ACO1: variants seen among roughly 807,000 people sequenced by gnomAD.
The protein encoded by ACO1 is cytoplasmic aconitate hydratase.
A neutral mutation model predicts 105.1 loss-of-function variants in ACO1; 78 were observed. The ratio of observed to expected loss-of-function variants is 0.74; its 90% CI spans 0.62 to 0.90. The LOEUF is 0.90. Among genes scored for constraint, ACO1 ranks in the 40% least tolerant of loss-of-function variants. The pLI, the probability that ACO1 is intolerant of heterozygous loss-of-function variation, is 0.00. For missense variants in ACO1, 965 were observed against 1,111.1 expected (o/e 0.87, Z 1.87); for synonymous variants, 364 against 397.4 (o/e 0.92, Z 1.00).
At chr9:32,386,745 T>A (rs1017560052) in intron 1 of ACO1, among the ~76,000 whole-genome samples, 1 of 151,818 alleles carries the variant, frequency 6.6e-6, no homozygotes, top group African/African-American at 2.4e-5. Flanking sequence ...GTGTTCTTTG[T>A]ATTAAAAAAT....
chr9:32,407,049 T>C (rs1338998005), intron 2 of ACO1, among the ~76,000 whole-genome samples: 1 of 152,240 alleles, frequency 6.6e-6, no homozygotes, highest in Non-Finnish European at 1.5e-5. Flanking sequence ...CCCAAAGTGC[T>C]GGGATTACAG....
intron 1 of ACO1, among the ~76,000 whole-genome samples, chr9:32,393,057 A>G (rs1288613187): frequency 6.6e-6 from 1 of 152,194 alleles, no homozygotes; most frequent in Non-Finnish European, 1.5e-5. Context: ...TTTGTAGAGC[A>G]TGTGTGTTTG....
At chr9:32,442,401 A>C (rs1194801247) in intron 19 of ACO1, among the ~76,000 whole-genome samples, 5 of 152,166 alleles carry the variant, frequency 3.3e-5, no homozygotes, top group African/African-American at 1.2e-4. Context: ...TGTGCCCTAG[A>C]TACCAAGAGA....
At chr9:32,448,728 T>C (rs569477160) in intron 19 of ACO1, among the ~76,000 whole-genome samples, 168 bp from the exon 20 acceptor site, 45 of 152,254 alleles carry the variant, frequency 3.0e-4, no homozygotes, top group African/African-American at 1.1e-3. Context: ...GGTACCTCAG[T>C]TGGAAATGCA....
chr9:32,453,712 TA>T lies in ACO1; in HGVS notation c.*3603del, dbSNP rs1822818272. 6.6e-6 allele frequency: 1 copy of T among 152,138 alleles called. No individual in the cohort carries two copies. The allele number at this position is 152,138 out of a possible 1,614,324, so 9.4% of individuals were successfully genotyped here. A position where few individuals can be genotyped will look rare whatever the true frequency, so the allele number is the denominator to read the frequency against. ...TCAGGGCTCTAACAGGACTGTGGAG[TA>T]ATGTACGGGGTTATGTAGGAGCAAT... is the stretch of plus-strand genomic sequence containing the variant. On this transcript the variant is annotated 3_prime_UTR_variant, in exon 21 of 21. Coordinates refer to ENST00000309951, the MANE Select transcript of ACO1 (RefSeq NM_002197.3).
intron 20 of ACO1, among the ~76,000 whole-genome samples, 168 bp from the exon 21 acceptor site, chr9:32,449,830 T>G (rs1036436463): frequency 6.6e-6 from 1 of 152,154 alleles, no homozygotes; most frequent in Non-Finnish European, 1.5e-5. Flanking sequence ...AAATGCATCT[T>G]CTGATTTAGT....
In ACO1 at chr9:32,453,395, A is replaced by G. The variant is rs1389259911; in HGVS notation, c.*3284A>G. 6.7e-6 allele frequency: 1 copy of G among 148,978 alleles called. No homozygotes were observed. Among genetic ancestry groups the G allele is most frequent in the Non-Finnish European group, 1.5e-5 (1 of 67,604 alleles). The allele number at this position is 148,978 out of a possible 1,614,324, so 9.2% of individuals were successfully genotyped here. A position where few individuals can be genotyped will look rare whatever the true frequency, so the allele number is the denominator to read the frequency against. On this transcript the variant is annotated 3_prime_UTR_variant, in exon 21 of 21. Coordinates refer to ENST00000309951, the MANE Select transcript of ACO1 (RefSeq NM_002197.3). The stretch of plus-strand genomic sequence containing the variant: ...AAGCTGGCTCATAGAACTTGAGGAC[A>G]GTGGTGGCCATGACTATGGGCTTGA...
At chr9:32,396,184 T>C (rs1821369568) in intron 1 of ACO1, among the ~76,000 whole-genome samples, 1 of 152,256 alleles carries the variant, frequency 6.6e-6, no homozygotes, top group Admixed American at 6.5e-5. Flanking sequence ...AAGTACAATC[T>C]AATATTTTCA....
chr9:32,405,569 C>A lies in ACO1; in HGVS notation c.63C>A (p.Phe21Leu), dbSNP rs560315574. The change falls in exon 2 of 21, where the codon TTC (phenylalanine) becomes TTA (leucine). Residue 21 changes from phenylalanine to leucine, a missense_variant. Phe to Leu is a conservative substitution (Grantham distance 22). Transcript: ENST00000309951. ...PLDPVQPGKK[F>L]FNLNKLEDSR... ...ATCCTGTACAACCAGGAAAGAAATT[C>A]TTCAATTTGAATAAATTGGAGGATT... 7.4e-6 allele frequency: 12 copies of A among 1,613,776 alleles called. No individual in the cohort carries two copies. The South Asian group carries it at 9.9e-5, about 13-fold the overall frequency.
chr9:32,445,595 T>A (rs1822585743), intron 19 of ACO1: 1 of 312,014 alleles, frequency 3.2e-6, no homozygotes, highest in African/African-American at 2.3e-5. Flanking sequence ...TTGAACAGTT[T>A]CTGGTGTCTC....
intron 13 of ACO1, among the ~76,000 whole-genome samples, chr9:32,429,766 A>G (rs894232291): frequency 2.6e-5 from 4 of 152,180 alleles, no homozygotes; most frequent in Admixed American, 6.5e-5. Context: ...GATGATAAAC[A>G]TAAGTCACTT....
intron 4 of ACO1, 115 bp downstream of exon 4, chr9:32,408,766 T>C: frequency 7.8e-7 from 1 of 1,277,578 alleles, no homozygotes; most frequent in South Asian, 1.7e-5. Context: ...AGATATCTTC[T>C]GAAAAACTTA....
intron 11 of ACO1, among the ~76,000 whole-genome samples, chr9:32,426,330 TC>T (rs1393086340): frequency 6.6e-6 from 1 of 152,220 alleles, no homozygotes; most frequent in Non-Finnish European, 1.5e-5. Context: ...GACTTTGTTC[TC>T]CGTGAAACCC....
rs139542105 is a variant in ACO1 at position 32,429,437 on chromosome 9, T to C, written c.1503T>C (p.Tyr501=). 37 of 1,614,220 alleles carry C rather than the reference T, an allele frequency of 2.3e-5. No individual in the cohort carries two copies. Among genetic ancestry groups the C allele is most frequent in the Non-Finnish European group, 3.1e-5 (36 of 1,180,030 alleles). The stretch of plus-strand genomic sequence containing the variant: ...TGTCTAGGTTTGACGTGGTGGGCTA[T>C]GGCTGCATGACCTGCATTGGCAACA... The part of the protein sequence containing the change: ...LSQLGFDVVG[Y]GCMTCIGNSG... The change falls in exon 13 of 21, where the codon TAT becomes TAC. Residue 501 remains tyrosine (Y), a synonymous_variant. Transcript: ENST00000309951.
rs1822811740 is a variant in ACO1, at chr9:32,453,404, C to G, written c.*3293C>G. 6.6e-6 allele frequency: 1 copy of G among 151,570 alleles called. No homozygotes were observed. The highest frequency in any genetic ancestry group is 1.9e-4 in the East Asian group (1 of 5,148). The allele number at this position is 151,570 out of a possible 1,614,324, so 9.4% of individuals were successfully genotyped here. A position where few individuals can be genotyped will look rare whatever the true frequency, so the allele number is the denominator to read the frequency against. On this transcript the variant is annotated 3_prime_UTR_variant, in exon 21 of 21. Transcript: ENST00000309951. ...CATAGAACTTGAGGACAGTGGTGGC[C>G]ATGACTATGGGCTTGATTGGATCTA...
chr9:32,394,837 G>A (rs1482921798), intron 1 of ACO1, among the ~76,000 whole-genome samples: 8 of 152,174 alleles, frequency 5.3e-5, no homozygotes, highest in Admixed American at 5.2e-4. Flanking sequence ...AATTTTATTA[G>A]CATGAGTCAT....
intron 4 of ACO1, among the ~76,000 whole-genome samples, chr9:32,409,045 A>T (rs1378553461): frequency 6.6e-6 from 1 of 152,192 alleles, no homozygotes; most frequent in Non-Finnish European, 1.5e-5. Context: ...TTGCATATCT[A>T]GCGATCTCTG....
chr9:32,391,176 A>G (rs1280142491), intron 1 of ACO1, among the ~76,000 whole-genome samples: 1 of 152,226 alleles, frequency 6.6e-6, no homozygotes, highest in Admixed American at 6.5e-5. Context: ...AGCCCTTGTC[A>G]TCTGGGCAGA....
chr9:32,393,745 G>A (rs756998344), intron 1 of ACO1, among the ~76,000 whole-genome samples: 8 of 152,010 alleles, frequency 5.3e-5, no homozygotes, highest in Non-Finnish European at 7.4e-5. Flanking sequence ...TTCTCAGACC[G>A]GCCGACACTT....
Sources: allele counts gnomAD v4.1 joint callset (sites outside exome capture counted in the v4.1 genomes callset), GRCh38; gene constraint gnomAD v4.1.1; transcripts MANE v1.5; gene names NCBI Gene and HGNC (gene_info 2026-07-23, HGNC 2026-07-21).